SHISAL1: variants seen among roughly 807,000 people sequenced by gnomAD.
The protein encoded by SHISAL1 is shisa like 1.
In SHISAL1, 9 loss-of-function variants were observed where a neutral mutation model predicts 22.6. That is an observed-to-expected ratio of 0.40 (90% CI 0.24 to 0.70). SHISAL1 has a LOEUF of 0.70. Ranked by LOEUF, SHISAL1 falls within the 30% of genes least tolerant of loss-of-function variation. The probability of loss-of-function intolerance (pLI) is 0.39; values close to 1 mark genes in which losing one functional copy is unlikely to be tolerated. For missense variants in SHISAL1, 246 were observed against 270.6 expected (o/e 0.91, Z 0.64); for synonymous variants, 119 against 115.4 (o/e 1.03, Z -0.20).
intron 1 of SHISAL1, among the ~76,000 whole-genome samples, chr22:44,312,212 T>C (rs950949574): frequency 5.3e-5 from 8 of 152,204 alleles, no homozygotes; most frequent in Non-Finnish European, 1.2e-4. Context: ...CGTTCATTCA[T>C]TCATTCATTC....
chr22:44,260,439 C>A (rs2055113653), intron 4 of SHISAL1, among the ~76,000 whole-genome samples: 1 of 152,214 alleles, frequency 6.6e-6, no homozygotes, highest in South Asian at 2.1e-4. Flanking sequence ...CTTGGAGACG[C>A]TGTCTGCAGG....
At chr22:44,251,834 G>C (rs2055049640) in intron 4 of SHISAL1, among the ~76,000 whole-genome samples, 1 of 152,186 alleles carries the variant, frequency 6.6e-6, no homozygotes, top group Admixed American at 6.5e-5. Context: ...GATGAGATTT[G>C]GGTGGGGACA....
intron 4 of SHISAL1, among the ~76,000 whole-genome samples, chr22:44,259,282 C>A (rs2055105838): frequency 6.6e-6 from 1 of 151,758 alleles, no homozygotes; most frequent in Admixed American, 6.6e-5. Flanking sequence ...ACTAAAAATA[C>A]AAAAAATTAG....
At position 44,299,378 on chromosome 22, in the gene SHISAL1, C is replaced by T. The variant is rs140553331; in HGVS notation, c.67+1501G>A. On this transcript the variant is annotated intron_variant, in intron 2 of 4. Transcript: ENST00000381176. ...GCTGGCCCCTCCCCTGAAGGGGTGA[C>T]CTCGGGCAGGCCGCTTTCCTTCTGA... Among the ~76,000 whole-genome samples the T allele has an allele frequency of 4.9e-3, 750 of 152,318 alleles. 7 individuals are homozygous for T. Among genetic ancestry groups the T allele is most frequent in the African/African-American group, 0.017 (724 of 41,564 alleles).
chr22:44,322,672 T>G, the SHISAL1 span, among the ~76,000 whole-genome samples: 2 of 152,162 alleles, frequency 1.3e-5, no homozygotes, highest in Non-Finnish European at 2.9e-5. Context: ...AGTCACAGCC[T>G]GAACTCGGCT....
At chr22:44,250,905 A>G (rs2055042945) in intron 4 of SHISAL1, among the ~76,000 whole-genome samples, 1 of 152,218 alleles carries the variant, frequency 6.6e-6, no homozygotes, top group South Asian at 2.1e-4. Context: ...AAGCCAGCAA[A>G]GCCCACCTCC....
intron 4 of SHISAL1, among the ~76,000 whole-genome samples, chr22:44,260,464 T>C (rs558067229): frequency 2.6e-5 from 4 of 152,186 alleles, no homozygotes; most frequent in African/African-American, 9.6e-5. Context: ...GACAGTGCCA[T>C]TAGGCTGGTA....
intron 3 of SHISAL1, among the ~76,000 whole-genome samples, chr22:44,291,528 A>G (rs907224950): frequency 6.6e-6 from 1 of 152,164 alleles, no homozygotes; most frequent in Middle Eastern, 3.2e-3. Context: ...GGAAGTCCTC[A>G]TAAGTGTTCA....
At chr22:44,305,139 T>G (rs2055461407) in intron 1 of SHISAL1, among the ~76,000 whole-genome samples, 1 of 152,260 alleles carries the variant, frequency 6.6e-6, no homozygotes, top group South Asian at 2.1e-4. Flanking sequence ...TTTTATCAGC[T>G]GGAAAAAGTT....
In SHISAL1 at chr22:44,248,179, G is replaced by A. The variant is rs1274002252; in HGVS notation, c.*1506C>T. 6.6e-6 allele frequency: 1 copy of A among 152,234 alleles called. No individual in the cohort carries two copies. Among genetic ancestry groups the A allele is most frequent in the Non-Finnish European group, 1.5e-5 (1 of 68,112 alleles). 9.4% of individuals were successfully genotyped at this position (152,234 alleles called of 1,614,324 possible). ...CACCTTCCTTCTTCACTGTCTTCCT[G>A]CCCCAGCTAGAAAGCTAGCACAGTG... is the stretch of plus-strand genomic sequence containing the variant. On this transcript the variant is annotated 3_prime_UTR_variant, in exon 5 of 5. Transcript: ENST00000381176.
the SHISAL1 span, among the ~76,000 whole-genome samples, chr22:44,328,495 GT>G: frequency 6.6e-6 from 1 of 152,166 alleles, no homozygotes; most frequent in Non-Finnish European, 1.5e-5. Flanking sequence ...AGCCTGTTCG[GT>G]GAAGTCCTGT....
At chr22:44,251,001 A>G (rs1193228737) in intron 4 of SHISAL1, among the ~76,000 whole-genome samples, 3 of 152,140 alleles carry the variant, frequency 2.0e-5, no homozygotes, top group Non-Finnish European at 2.9e-5. Context: ...AGGGTGAGAG[A>G]TTCTGTGGGG....
chr22:44,254,282 A>G (rs1280439097), intron 4 of SHISAL1, among the ~76,000 whole-genome samples: 2 of 152,354 alleles, frequency 1.3e-5, no homozygotes, highest in Non-Finnish European at 2.9e-5. Flanking sequence ...AGTAGCAATA[A>G]GTAAATGAAA....
intron 4 of SHISAL1, among the ~76,000 whole-genome samples, chr22:44,259,879 C>T (rs577245696): frequency 2.6e-5 from 4 of 152,242 alleles, no homozygotes; most frequent in African/African-American, 7.2e-5. Context: ...GCAATTATAA[C>T]GTTTACCTCC....
At chr22:44,274,474 G>A (rs2055225994) in intron 4 of SHISAL1, among the ~76,000 whole-genome samples, 1 of 152,122 alleles carries the variant, frequency 6.6e-6, no homozygotes, top group Non-Finnish European at 1.5e-5. Context: ...ATTCACAAAG[G>A]TGTCTGCTGT....
the SHISAL1 span, among the ~76,000 whole-genome samples, chr22:44,325,386 C>A: frequency 1.3e-5 from 2 of 152,162 alleles, no homozygotes; most frequent in African/African-American, 2.4e-5. Context: ...GACGCAGAGA[C>A]CGAGGCTCAG....
upstream of SHISAL1, among the ~76,000 whole-genome samples, chr22:44,317,298 C>CAGCCACACCGACGAGCAGGGCCCGGT (rs1188143413): frequency 1.8e-4 from 28 of 152,346 alleles, no homozygotes; most frequent in Non-Finnish European, 2.8e-4. Flanking sequence ...CAGGGCCCGG[C>CAGCCACACCGACGAGCAGGGCCCGGT]CAGCCACACC....
chr22:44,302,245 C>T (rs1033885036), intron 1 of SHISAL1, among the ~76,000 whole-genome samples: 5 of 146,428 alleles, frequency 3.4e-5, no homozygotes, highest in Admixed American at 7.0e-5. Flanking sequence ...GAGGCCAAGG[C>T]GGGAGAACAG....
the SHISAL1 span, among the ~76,000 whole-genome samples, chr22:44,328,031 G>C: frequency 2.6e-5 from 4 of 152,188 alleles, no homozygotes; most frequent in African/African-American, 9.7e-5. Context: ...AAGTCAACTG[G>C]GGAGAAGCTA....
Sources: allele counts gnomAD v4.1 joint callset (sites outside exome capture counted in the v4.1 genomes callset), GRCh38; gene constraint gnomAD v4.1.1; transcripts MANE v1.5; gene names NCBI Gene and HGNC (gene_info 2026-07-23, HGNC 2026-07-21).